Variants in WWP2 observed in about 807,000 individuals in gnomAD.
WWP2 encodes the protein WW domain containing E3 ubiquitin protein ligase 2.
Under a neutral mutation model 121.0 loss-of-function variants are expected in WWP2, and 57 were observed. That is an observed-to-expected ratio of 0.47 (90% confidence interval 0.38 to 0.59). The LOEUF is 0.59. Among genes scored for constraint, WWP2 ranks in the 20% least tolerant of loss-of-function variants. The pLI, the probability that WWP2 is intolerant of heterozygous loss-of-function variation, is 0.00. For missense variants in WWP2, 962 were observed against 1,158.9 expected, an observed-to-expected ratio of 0.83 and a Z score of 2.47; for synonymous variants, 449 against 441.3, an observed-to-expected ratio of 1.02 and a Z score of -0.22.
intron 1 of WWP2, among the ~76,000 whole-genome samples, chr16:69,785,222 A>ACC (rs1555545255): frequency 6.8e-6 from 1 of 147,468 alleles, no homozygotes; most frequent in East Asian, 2.0e-4. Flanking sequence ...GGTGTGTGAG[A>ACC]CTGTCTCAAA....
chr16:69,770,036 A>G (rs996727624), intron 1 of WWP2, among the ~76,000 whole-genome samples: 1 of 151,918 alleles, frequency 6.6e-6, no homozygotes, highest in African/African-American at 2.4e-5. Flanking sequence ...TAATTTTTGT[A>G]TTTTTAGTAG....
intron 2 of WWP2, among the ~76,000 whole-genome samples, chr16:69,793,887 T>G (rs1325058950): frequency 6.7e-6 from 1 of 148,548 alleles, no homozygotes; most frequent in Non-Finnish European, 1.5e-5. Flanking sequence ...GGTTTCGTTT[T>G]GGGAAGGGCT....
intron 4 of WWP2, among the ~76,000 whole-genome samples, chr16:69,814,797 T>C (rs919710309): frequency 1.1e-4 from 16 of 152,148 alleles, no homozygotes; most frequent in Non-Finnish European, 8.8e-5. Context: ...CTTGAGCAGC[T>C]GTACCTGACA....
intron 6 of WWP2, among the ~76,000 whole-genome samples, chr16:69,863,014 G>A (rs903847493): frequency 6.6e-6 from 1 of 151,960 alleles, no homozygotes; most frequent in Non-Finnish European, 1.5e-5. Flanking sequence ...GGTGTGAGCC[G>A]CCACCCCCGG....
chr16:69,815,065 C>T (rs575406116), intron 4 of WWP2, among the ~76,000 whole-genome samples: 2 of 151,956 alleles, frequency 1.3e-5, no homozygotes, highest in African/African-American at 2.4e-5. Flanking sequence ...TGTAGTGGGA[C>T]GATCTTGGCT....
intron 4 of WWP2, among the ~76,000 whole-genome samples, chr16:69,830,243 C>T (rs987652844): frequency 1.1e-4 from 16 of 152,164 alleles, no homozygotes; most frequent in Non-Finnish European, 1.6e-4. Context: ...GCGACAACCA[C>T]CATGCCCGGC....
chr16:69,936,932 G>A (rs2058808858), intron 19 of WWP2, 186 bp from the exon 20 acceptor site: 1 of 697,420 alleles, frequency 1.4e-6, no homozygotes. Context: ...AAAGACTCCG[G>A]TGTCTGCAGG....
At chr16:69,783,780 T>TACAACAACAACAGCAACA (rs1555545036) in intron 1 of WWP2, among the ~76,000 whole-genome samples, 1 of 149,710 alleles carries the variant, frequency 6.7e-6, no homozygotes, top group African/African-American at 2.5e-5. Flanking sequence ...ACCTTGTTTC[T>TACAACAACAACAGCAACA]ACAACAACAA....
Position 69,861,031 on chromosome 16 carries a change from T to A in WWP2, c.576-10773T>A, listed in dbSNP as rs145667929. Among the ~76,000 whole-genome samples, 700 of 152,306 alleles carry A rather than the reference T, an allele frequency of 4.6e-3. 9 individuals carry two copies. Among genetic ancestry groups the A allele is most frequent in the African/African-American group, 0.016 (659 of 41,566 alleles). Reference sequence around the variant, plus strand: ...TCTGGCGCACCTGTACAGGTTGTGCTCTGCATTCCTTGGGGGCCAGCCCCA... The same window carrying A: ...TCTGGCGCACCTGTACAGGTTGTGCACTGCATTCCTTGGGGGCCAGCCCCA... On this transcript the variant is annotated intron_variant, in intron 6 of 23. Coordinates refer to ENST00000359154, the MANE Select transcript of WWP2 (RefSeq NM_001270454.2).
chr16:69,869,575 A>G (rs72785034), intron 6 of WWP2, among the ~76,000 whole-genome samples: 10,153 of 151,672 alleles, frequency 0.067, 379 homozygotes, highest in Middle Eastern at 0.11. Context: ...CAAACTCTTG[A>G]GCTCAAGTGC....
At chr16:69,872,036 G>C in intron 7 of WWP2, 105 bp downstream of exon 7, 1 of 1,462,766 alleles carries the variant, frequency 6.8e-7, no homozygotes, top group Non-Finnish European at 9.1e-7. Context: ...GAGGGTGGGC[G>C]TCAGAAGGCT....
intron 4 of WWP2, among the ~76,000 whole-genome samples, chr16:69,828,958 GT>G: frequency 6.6e-6 from 1 of 152,050 alleles, no homozygotes; most frequent in Non-Finnish European, 1.5e-5. Flanking sequence ...CCTGACAGGT[GT>G]TTCCCTGTCA....
chr16:69,777,302 A>G (rs985692258), intron 1 of WWP2, among the ~76,000 whole-genome samples: 2 of 151,490 alleles, frequency 1.3e-5, no homozygotes, highest in Non-Finnish European at 2.9e-5. Flanking sequence ...ATATACTTTT[A>G]TATTTTCTTT....
chr16:69,939,768 C>T, intron 23 of WWP2, 73 bp from the exon 24 acceptor site: 4 of 1,388,176 alleles, frequency 2.9e-6, no homozygotes, highest in Admixed American at 4.0e-5. Context: ...GGCCCTGCTG[C>T]AGGCAGGCAT....
intron 7 of WWP2, among the ~76,000 whole-genome samples, chr16:69,876,368 T>A (rs1328529607): frequency 6.7e-6 from 1 of 149,744 alleles, no homozygotes; most frequent in Non-Finnish European, 1.5e-5. Context: ...TTTTTTTTTT[T>A]CGTTTTTTGT....
intron 14 of WWP2, 39 bp from the exon 15 acceptor site, chr16:69,931,470 G>A (rs2058711231): frequency 1.2e-6 from 2 of 1,612,200 alleles, no homozygotes; most frequent in African/African-American, 1.3e-5. Flanking sequence ...ATGACCACTT[G>A]AGGCTCGATT....
At chr16:69,892,565 A>T (rs1202728771) in intron 8 of WWP2, among the ~76,000 whole-genome samples, 2 of 151,996 alleles carry the variant, frequency 1.3e-5, no homozygotes, top group African/African-American at 2.4e-5. Flanking sequence ...ACATTGTCTT[A>T]CTCTGTCACC....
At chr16:69,912,916 TACAAAACAAAAAAAAAAAAAA>T (rs2058403825) in intron 9 of WWP2, among the ~76,000 whole-genome samples, 1 of 836 alleles carries the variant, frequency 1.2e-3, no homozygotes, top group African/African-American at 0.012. Context: ...AACCAGTCTC[TACAAAACAAAAAAAAAAAAAA>T]AAAAAAAAAA....
intron 6 of WWP2, among the ~76,000 whole-genome samples, chr16:69,847,413 T>G (rs2057103939): frequency 6.6e-6 from 1 of 150,984 alleles, no homozygotes; most frequent in South Asian, 2.1e-4. Context: ...ATTTTTTTTT[T>G]TTTTAATTTT....
Sources: gnomAD v4.1 joint callset for allele counts (sites outside exome capture counted in the v4.1 genomes callset) on GRCh38, gnomAD v4.1.1 for gene constraint, MANE v1.5 for transcripts, NCBI Gene and HGNC (gene_info 2026-07-23, HGNC 2026-07-21) for gene names.